The following RAF1 variants were observed in gnomAD, a reference collection of about 807,000 sequenced individuals.
RAF1 encodes the protein RAF proto-oncogene serine/threonine-protein kinase.
A neutral mutation model predicts 81.1 loss-of-function variants in RAF1; 27 were observed. The observed-to-expected ratio is 0.33, with a 90% confidence interval of 0.25 to 0.46. RAF1 has a LOEUF of 0.46. RAF1 is among the 20% of genes least tolerant of loss of function. The probability of loss-of-function intolerance (pLI) is 1.00; values close to 1 mark genes in which losing one functional copy is unlikely to be tolerated. For missense variants in RAF1, 598 were observed against 826.0 expected, an observed-to-expected ratio of 0.72 and a Z score of 3.38; for synonymous variants, 298 against 294.0, an observed-to-expected ratio of 1.01 and a Z score of -0.14.
chr3:12,636,194 G>A (rs1011067097), intron 1 of RAF1, among the ~76,000 whole-genome samples: 4 of 151,366 alleles, frequency 2.6e-5, no homozygotes, highest in Non-Finnish European at 4.4e-5. Flanking sequence ...GCTGAGGCAG[G>A]AGAATCCCTT....
At chr3:12,584,741 C>A in intron 17 of RAF1, 84 bp from the exon 17 acceptor site, 2 of 1,612,892 alleles carry the variant, frequency 1.2e-6, no homozygotes, top group East Asian at 2.2e-5. Flanking sequence ...TTGTAGAGGA[C>A]CTGGGTCCCC....
chr3:12,608,867 G>A lies in RAF1; in HGVS notation c.480C>T (p.Leu160=), dbSNP rs907208944. The A allele has an allele frequency of 6.2e-7, 1 of 1,614,100 alleles. No homozygotes were observed. Among genetic ancestry groups the A allele is most frequent in the African/African-American group, 1.3e-5 (1 of 75,032 alleles). Reference sequence around the variant, plus strand: ...CACAAGTCTGACATCGAAATCCATTGAGCAGGAATTTCTGACAGATGTCAC... The same window carrying A: ...CACAAGTCTGACATCGAAATCCATTAAGCAGGAATTTCTGACAGATGTCAC... The change falls in exon 5 of 18, where the codon CTC becomes CTT. Residue 160 remains leucine, a synonymous_variant. Coordinates refer to ENST00000442415, the MANE Select transcript of RAF1 (RefSeq NM_001354689.3).
At chr3:12,656,959 T>C (rs912688745) in intron 1 of RAF1, among the ~76,000 whole-genome samples, 1 of 149,772 alleles carries the variant, frequency 6.7e-6, no homozygotes, top group African/African-American at 2.5e-5. Flanking sequence ...ATCACGCCAC[T>C]GTACGCCAGC....
intron 1 of RAF1, among the ~76,000 whole-genome samples, chr3:12,652,033 A>G (rs879875686): frequency 7.3e-4 from 110 of 149,816 alleles, no homozygotes; most frequent in Non-Finnish European, 1.4e-3. Flanking sequence ...TAAATAAATA[A>G]ATAAATAAAT....
At chr3:12,586,196 TAC>T (rs1184419097) in intron 14 of RAF1, among the ~76,000 whole-genome samples, 1 of 152,192 alleles carries the variant, frequency 6.6e-6, no homozygotes, top group Non-Finnish European at 1.5e-5. Context: ...CCTGACAGCT[TAC>T]AGTCGTTTCT....
intron 1 of RAF1, among the ~76,000 whole-genome samples, chr3:12,632,825 C>T (rs2059903336): frequency 6.6e-6 from 1 of 151,928 alleles, no homozygotes; most frequent in South Asian, 2.1e-4. Context: ...GACACATTAC[C>T]CATCTGACGT....
chr3:12,641,878 C>T (rs1413588767), intron 1 of RAF1, among the ~76,000 whole-genome samples: 1 of 152,076 alleles, frequency 6.6e-6, no homozygotes, highest in Non-Finnish European at 1.5e-5. Flanking sequence ...CCATAGGAAC[C>T]CAGTGTGGTG....
In RAF1 at chr3:12,641,789, G is replaced by A. The variant is rs377426889; in HGVS notation, c.-27+22024C>T. 6.6e-5 allele frequency among the ~76,000 whole-genome samples: 10 copies of A among 152,086 alleles called. No homozygotes were observed. In the East Asian group the frequency reaches 1.9e-3, roughly 29 times the overall value. ...TTACACATGTGAACCACCGTACCCGGCCCCAAAAATGCTTTCTTAAGTGTA... is the reference window on the plus strand; with the variant it reads ...TTACACATGTGAACCACCGTACCCGACCCCAAAAATGCTTTCTTAAGTGTA... On this transcript the variant is annotated intron_variant, in intron 1 of 17. Transcript: ENST00000442415.
intron 1 of RAF1, among the ~76,000 whole-genome samples, chr3:12,625,086 T>C (rs2125476157): frequency 6.6e-6 from 1 of 152,048 alleles, no homozygotes; most frequent in African/African-American, 2.4e-5. Flanking sequence ...TTTATTTTAT[T>C]TTTATTTATT....
At chr3:12,653,619 C>T (rs979109975) in intron 1 of RAF1, among the ~76,000 whole-genome samples, 25 of 151,932 alleles carry the variant, frequency 1.6e-4, no homozygotes, top group African/African-American at 6.0e-4. Context: ...GTAGCGAGTG[C>T]CTGCAATCCC....
chr3:12,591,111 A>T, intron 12 of RAF1, 137 bp from the exon 12 acceptor site: 2 of 764,362 alleles, frequency 2.6e-6, no homozygotes, highest in South Asian at 3.6e-5. Flanking sequence ...CCAAAAACAA[A>T]CACATGGCAC....
intron 1 of RAF1, among the ~76,000 whole-genome samples, chr3:12,629,866 G>A (rs1426560722): frequency 6.6e-6 from 1 of 152,136 alleles, no homozygotes; most frequent in African/African-American, 2.4e-5. Context: ...GCTCACTGCA[G>A]CCTTGAGCCA....
At position 12,609,026 on chromosome 3, in the gene RAF1, A is replaced by C; in HGVS notation, c.424-103T>G. On this transcript the variant is annotated intron_variant, in intron 4 of 17. Transcript: ENST00000442415. ...AAAAAGTTTTTACAAAATGAATCAT[A>C]CTTCCAGCATGTACAGAATTCATAA... 3 of 1,292,614 alleles carry C rather than the reference A, an allele frequency of 2.3e-6. No individual in the cohort carries two copies. The South Asian group carries it at 3.7e-5, about 16-fold the overall frequency. 80.1% of individuals were successfully genotyped at this position (1,292,614 alleles called of 1,614,324 possible).
rs2125315013 is a variant in RAF1 at position 12,584,448 on chromosome 3, G to A, written c.*66C>T. On this transcript the variant is annotated 3_prime_UTR_variant, in exon 18 of 18. Transcript: ENST00000442415. Reference sequence around the variant, plus strand: ...TGTGTTCTGCCTCTGGAGAAAGGGAGCAGAAAAGTGGTGCCTGCTGGCTTC... The same window carrying A: ...TGTGTTCTGCCTCTGGAGAAAGGGAACAGAAAAGTGGTGCCTGCTGGCTTC... 1 of 1,595,932 alleles carries A rather than the reference G, an allele frequency of 6.3e-7. No individual in the cohort carries two copies. The highest frequency in any genetic ancestry group is 8.6e-7 in the Non-Finnish European group (1 of 1,164,392).
chr3:12,595,584 C>A (rs1051610329), intron 11 of RAF1, among the ~76,000 whole-genome samples: 1 of 152,090 alleles, frequency 6.6e-6, no homozygotes, highest in Admixed American at 6.6e-5. Flanking sequence ...ATACCTCTCA[C>A]TCACTCTAAA....
chr3:12,635,842 A>G (rs542211766), intron 1 of RAF1, among the ~76,000 whole-genome samples: 10 of 150,692 alleles, frequency 6.6e-5, no homozygotes, highest in South Asian at 4.2e-4. Context: ...GCGTGGTGGC[A>G]GGCACCTGTA....
intron 11 of RAF1, among the ~76,000 whole-genome samples, chr3:12,598,441 C>T (rs185992452): frequency 6.5e-4 from 99 of 152,180 alleles, no homozygotes; most frequent in African/African-American, 2.2e-3. Context: ...CATGCATTAA[C>T]GAGCACATGG....
chr3:12,627,261 C>T (rs1386465593), intron 1 of RAF1, among the ~76,000 whole-genome samples: 1 of 152,094 alleles, frequency 6.6e-6, no homozygotes, highest in Non-Finnish European at 1.5e-5. Context: ...TTACTTAATA[C>T]AAATTATTCT....
At chr3:12,613,943 C>T (rs1312057098) in intron 2 of RAF1, among the ~76,000 whole-genome samples, 2 of 152,138 alleles carry the variant, frequency 1.3e-5, no homozygotes, top group African/African-American at 4.8e-5. Flanking sequence ...GGAATATTCT[C>T]CAGGAGGATC....
Sources: allele counts gnomAD v4.1 joint callset (sites outside exome capture counted in the v4.1 genomes callset), GRCh38; gene constraint gnomAD v4.1.1; transcripts MANE v1.5; gene names NCBI Gene and HGNC (gene_info 2026-07-23, HGNC 2026-07-21).